EYS: variants seen among roughly 807,000 people sequenced by gnomAD.
EYS encodes protein eyes shut homolog.
A neutral mutation model predicts 282.1 loss-of-function variants in EYS; 250 were observed. That is an observed-to-expected ratio of 0.89 (90% CI 0.80 to 0.98). The LOEUF (loss-of-function observed/expected upper bound fraction) is 0.98, where lower values mean the gene tolerates loss of function less well. EYS is among the 50% of genes least tolerant of loss of function. The pLI, the probability that EYS is intolerant of heterozygous loss-of-function variation, is 0.00. For missense variants in EYS, 4,016 were observed against 3,709.0 expected, an observed-to-expected ratio of 1.08 and a Z score of -2.15; for synonymous variants, 1,355 against 1,282.9, an observed-to-expected ratio of 1.06 and a Z score of -1.20.
In EYS at chr6:65,691,193, C is replaced by T. The variant is rs1353910807; in HGVS notation, c.-448+15942G>A. Among the ~76,000 whole-genome samples the T allele has an allele frequency of 4.7e-5, 7 of 150,136 alleles. 1 individual carries two copies. Among genetic ancestry groups the T allele is most frequent in the Non-Finnish European group, 8.9e-5 (6 of 67,696 alleles). ...CAATGGTTGAACTAATTTACACTGCCGCCAACAGTGTAAAAGTGTTCCTAT... is the reference window on the plus strand; with the variant it reads ...CAATGGTTGAACTAATTTACACTGCTGCCAACAGTGTAAAAGTGTTCCTAT... On this transcript the variant is annotated intron_variant, in intron 1 of 42. Coordinates refer to ENST00000503581, the MANE Select transcript of EYS (RefSeq NM_001142800.2).
chr6:64,145,761 G>C (rs1261956712), intron 31 of EYS, among the ~76,000 whole-genome samples: 1 of 152,126 alleles, frequency 6.6e-6, no homozygotes, highest in Non-Finnish European at 1.5e-5. Context: ...CACACGGAAT[G>C]CAAAATAGTA....
intron 30 of EYS, among the ~76,000 whole-genome samples, chr6:64,298,732 G>A (rs1292189537): frequency 2.0e-5 from 3 of 151,984 alleles, no homozygotes; most frequent in Non-Finnish European, 4.4e-5. Flanking sequence ...ACAGAAACCT[G>A]CAGAATGGAT....
At chr6:64,433,977 T>G (rs1442062139) in intron 28 of EYS, among the ~76,000 whole-genome samples, 3 of 152,012 alleles carry the variant, frequency 2.0e-5, no homozygotes, top group Non-Finnish European at 2.9e-5. Context: ...TGAATTGTGT[T>G]TCACTCAAAA....
intron 36 of EYS, among the ~76,000 whole-genome samples, chr6:63,827,680 T>TA (rs1359733822): frequency 1.8e-4 from 28 of 151,730 alleles, no homozygotes; most frequent in African/African-American, 6.5e-4. Context: ...CCGTCTCTAC[T>TA]AAAAATACAA....
intron 26 of EYS, among the ~76,000 whole-genome samples, chr6:64,518,128 C>A (rs1036167891): frequency 2.0e-5 from 3 of 151,850 alleles, no homozygotes; most frequent in South Asian, 4.1e-4. Flanking sequence ...AGCTTAAAAA[C>A]ATTATCCAAA....
intron 14 of EYS, among the ~76,000 whole-genome samples, chr6:64,964,812 A>G (rs897391280): frequency 2.6e-5 from 4 of 152,186 alleles, no homozygotes; most frequent in Admixed American, 1.3e-4. Context: ...CAGGCAGATC[A>G]CTTGAGGTCA....
intron 1 of EYS, among the ~76,000 whole-genome samples, chr6:65,641,936 G>C (rs888009606): frequency 6.6e-6 from 1 of 152,072 alleles, no homozygotes; most frequent in Non-Finnish European, 1.5e-5. Flanking sequence ...AGTAATCCAC[G>C]AAAAGATTTA....
intron 29 of EYS, among the ~76,000 whole-genome samples, chr6:64,339,370 GA>G (rs1334732325): frequency 6.6e-6 from 1 of 151,812 alleles, no homozygotes; most frequent in South Asian, 2.1e-4. Flanking sequence ...CAACAAACAT[GA>G]AAAAATGCTC....
intron 26 of EYS, among the ~76,000 whole-genome samples, chr6:64,449,161 A>G (rs1036486192): frequency 1.5e-4 from 23 of 152,360 alleles, no homozygotes; most frequent in African/African-American, 5.5e-4. Context: ...AAGTCTTTAA[A>G]GGACTTCATG....
chr6:64,334,552 T>A lies in EYS; in HGVS notation c.6079-27470A>T, dbSNP rs1048579294. Among the ~76,000 whole-genome samples, 8 of 152,296 alleles carry A rather than the reference T, an allele frequency of 5.3e-5. No individual in the cohort carries two copies. In the South Asian group the frequency reaches 1.7e-3, roughly 32 times the overall value. On this transcript the variant is annotated intron_variant, in intron 29 of 42. Coordinates refer to ENST00000503581, the MANE Select transcript of EYS (RefSeq NM_001142800.2). ...CTGGGCACAAGATGGGTCATGAGGATGCTGTACTCTTATTTATATGTTAAA... is the reference window on the plus strand; with the variant it reads ...CTGGGCACAAGATGGGTCATGAGGAAGCTGTACTCTTATTTATATGTTAAA...
At chr6:65,703,597 T>C (rs1198427196) in intron 1 of EYS, among the ~76,000 whole-genome samples, 1 of 151,268 alleles carries the variant, frequency 6.6e-6, no homozygotes, top group African/African-American at 2.4e-5. Flanking sequence ...AAATTGAATT[T>C]ATATTTATAT....
At chr6:64,467,527 C>T (rs960587393) in intron 26 of EYS, among the ~76,000 whole-genome samples, 2 of 152,048 alleles carry the variant, frequency 1.3e-5, no homozygotes, top group African/African-American at 2.4e-5. Context: ...AGAATTAGGG[C>T]CTGGAGATTG....
chr6:64,963,670 C>A (rs948695555), intron 14 of EYS, among the ~76,000 whole-genome samples: 2 of 152,084 alleles, frequency 1.3e-5, no homozygotes, highest in African/African-American at 2.4e-5. Context: ...TTTAGCTATT[C>A]GTAGTGATAG....
At position 64,320,123 on chromosome 6, in the gene EYS, G is replaced by T. The variant is rs560401297; in HGVS notation, c.6079-13041C>A. On this transcript the variant is annotated intron_variant, in intron 29 of 42. Transcript: ENST00000503581. Reference sequence around the variant, plus strand: ...TGTTTTTTAAAGTCAGCACTTAAAAGATATTGTTCCATTGTCTTCTGCTTT... The same window carrying T: ...TGTTTTTTAAAGTCAGCACTTAAAATATATTGTTCCATTGTCTTCTGCTTT... Among the ~76,000 whole-genome samples, 30 of 152,052 alleles carry T rather than the reference G, an allele frequency of 2.0e-4. No individual in the cohort carries two copies. The South Asian group carries it at 6.0e-3, about 30-fold the overall frequency.
chr6:64,093,388 A>G (rs1024605737), intron 31 of EYS, among the ~76,000 whole-genome samples: 7 of 152,306 alleles, frequency 4.6e-5, no homozygotes, highest in Admixed American at 3.3e-4. Flanking sequence ...ACCCATGAGC[A>G]TGGAATGTTC....
chr6:64,219,504 G>C (rs559919052), intron 31 of EYS, among the ~76,000 whole-genome samples: 1 of 152,280 alleles, frequency 6.6e-6, no homozygotes, highest in South Asian at 2.1e-4. Flanking sequence ...TGTTAAGAAA[G>C]AATTTTTATA....
chr6:64,410,960 A>G (rs934288965), intron 28 of EYS, among the ~76,000 whole-genome samples: 8 of 152,094 alleles, frequency 5.3e-5, no homozygotes, highest in Non-Finnish European at 1.2e-4. Flanking sequence ...CTTTATTTTA[A>G]TCTTGGTTTT....
At chr6:65,125,862 C>T (rs1180631316) in intron 12 of EYS, among the ~76,000 whole-genome samples, 1 of 152,088 alleles carries the variant, frequency 6.6e-6, no homozygotes, top group African/African-American at 2.4e-5. Context: ...AGAAAAGCCC[C>T]ATTATGTGAG....
chr6:64,874,232 T>C (rs781122131), intron 19 of EYS, among the ~76,000 whole-genome samples: 1 of 152,120 alleles, frequency 6.6e-6, no homozygotes, highest in Non-Finnish European at 1.5e-5. Context: ...AGGCAGCACA[T>C]TGCATTTTAC....
Sources: gnomAD v4.1 joint callset for allele counts (sites outside exome capture counted in the v4.1 genomes callset) on GRCh38, gnomAD v4.1.1 for gene constraint, MANE v1.5 for transcripts, NCBI Gene and HGNC (gene_info 2026-07-23, HGNC 2026-07-21) for gene names.